Variants in CATSPERB observed in about 807,000 individuals in gnomAD.
The protein encoded by CATSPERB is catsper channel auxiliary subunit beta.
CATSPERB carries 93 observed loss-of-function variants against 128.3 expected under a neutral mutation model. The ratio of observed to expected loss-of-function variants is 0.72; its 90% confidence interval spans 0.61 to 0.86. The LOEUF is 0.86. Among genes scored for constraint, CATSPERB ranks in the 40% least tolerant of loss-of-function variants. CATSPERB has a pLI of 0.00. For missense variants in CATSPERB, 1,153 were observed against 1,329.5 expected (o/e 0.87, Z 2.06); for synonymous variants, 381 against 448.8 (o/e 0.85, Z 1.91).
At chr14:91,603,155 A>G in intron 22 of CATSPERB, 1 of 785,778 alleles carries the variant, frequency 1.3e-6, no homozygotes, top group Non-Finnish European at 2.4e-6. Context: ...GTATACCTTC[A>G]TGTATCTTTT....
chr14:91,631,330 A>C (rs1353683847), intron 17 of CATSPERB, among the ~76,000 whole-genome samples: 1 of 152,230 alleles, frequency 6.6e-6, no homozygotes, highest in African/African-American at 2.4e-5. Context: ...TGAGCAATTT[A>C]GTAAAAACAT....
chr14:91,665,629 GGA>G (rs1244138454), intron 14 of CATSPERB, among the ~76,000 whole-genome samples: 2 of 152,138 alleles, frequency 1.3e-5, no homozygotes, highest in Non-Finnish European at 2.9e-5. Context: ...CAGCACTTTG[GGA>G]GGCGAAAACG....
chr14:91,670,793 C>T (rs1236086519), intron 13 of CATSPERB, among the ~76,000 whole-genome samples: 1 of 152,156 alleles, frequency 6.6e-6, no homozygotes, highest in Admixed American at 6.5e-5. Flanking sequence ...CACTTGAGGC[C>T]AGGAGTTCGA....
At chr14:91,725,261 G>T in intron 2 of CATSPERB, 93 bp from the exon 3 acceptor site, 1 of 514,348 alleles carries the variant, frequency 1.9e-6, no homozygotes, top group Non-Finnish European at 3.2e-6. Context: ...ATATTTTTAA[G>T]GAATAAGAAT....
rs548830868 is a variant in CATSPERB at position 91,648,481 on chromosome 14, T to C, written c.1433-9231A>G. On this transcript the variant is annotated intron_variant, in intron 15 of 26. Coordinates refer to ENST00000256343, the MANE Select transcript of CATSPERB (RefSeq NM_024764.4). The stretch of plus-strand genomic sequence containing the variant: ...ATAGTCTTATCTTGATCTTCATGTA[T>C]TAAAGATTTAACACTGTCAATTTCA... Among the ~76,000 whole-genome samples, 8 of 152,348 alleles carry C rather than the reference T, an allele frequency of 5.3e-5. No homozygotes were observed. In the South Asian group the frequency reaches 1.7e-3, roughly 32 times the overall value.
At chr14:91,699,681 C>T (rs542543551) in intron 7 of CATSPERB, among the ~76,000 whole-genome samples, 23 of 151,276 alleles carry the variant, frequency 1.5e-4, no homozygotes, top group African/African-American at 5.3e-4. Flanking sequence ...TCAAGAGATT[C>T]TCCTGCCTCA....
intron 22 of CATSPERB, among the ~76,000 whole-genome samples, chr14:91,594,841 A>G (rs1333206184): frequency 6.6e-6 from 1 of 152,236 alleles, no homozygotes; most frequent in Non-Finnish European, 1.5e-5. Flanking sequence ...AAAGTGGCTT[A>G]TGTATGTAAA....
rs1402086768 is a variant in CATSPERB, at chr14:91,643,098, CT to C, written c.1433-3849del. Among the ~76,000 whole-genome samples, 7 of 41,870 alleles carry C rather than the reference CT, an allele frequency of 1.7e-4. 1 individual carries two copies. The highest frequency in any genetic ancestry group is 0.015 in the Middle Eastern group (2 of 130). The allele number at this position is 41,870 out of a possible 152,430, so 27.5% of individuals were successfully genotyped here. A position where few individuals can be genotyped will look rare whatever the true frequency, so the allele number is the denominator to read the frequency against. On this transcript the variant is annotated intron_variant, in intron 15 of 26. Coordinates refer to ENST00000256343, the MANE Select transcript of CATSPERB (RefSeq NM_024764.4). ...TATTGTGTCTATTTGATTCTTCTCTCTTTTTTTCTTTATTAGTCTTGCTAGC... is the reference window on the plus strand; with the variant it reads ...TATTGTGTCTATTTGATTCTTCTCTCTTTTTTCTTTATTAGTCTTGCTAGC...
rs759468822 is a variant in CATSPERB, at chr14:91,589,662, C to T, written c.2828G>A (p.Arg943His). ...AFSDCREKVPRFKFPITQYPV... is the reference protein window; with the variant it reads ...AFSDCREKVPHFKFPITQYPV... ...ATATTGTGTAATTGGAAACTTAAAG[C>T]GAGGAACCTAAAATACAAATTCCAA... Residue 943 changes from arginine to histidine, a missense_variant, in exon 24 of 27, where the codon CGC becomes CAC. Arg to His is a conservative substitution (Grantham distance 29). Transcript: ENST00000256343. 35 of 1,612,002 alleles carry T rather than the reference C, an allele frequency of 2.2e-5. No homozygotes were observed. Among genetic ancestry groups the T allele is most frequent in the South Asian group, 9.9e-5 (9 of 90,608 alleles).
chr14:91,703,758 C>A (rs574057286), intron 7 of CATSPERB, among the ~76,000 whole-genome samples: 11 of 152,318 alleles, frequency 7.2e-5, no homozygotes, highest in Admixed American at 7.2e-4. Context: ...CAACTGTTTA[C>A]TGTATCCTTT....
chr14:91,620,501 CA>C (rs1224501069), intron 19 of CATSPERB, among the ~76,000 whole-genome samples: 1 of 152,108 alleles, frequency 6.6e-6, no homozygotes, highest in Non-Finnish European at 1.5e-5. Flanking sequence ...CCCTCCCTTC[CA>C]TCTTTCCTTC....
At chr14:91,716,712 T>C (rs1010757888) in intron 5 of CATSPERB, among the ~76,000 whole-genome samples, 5 of 137,536 alleles carry the variant, frequency 3.6e-5, no homozygotes, top group Non-Finnish European at 6.3e-5. Flanking sequence ...TTTACAAGCA[T>C]ACACACACAC....
At chr14:91,627,657 A>T (rs1208056839) in intron 17 of CATSPERB, among the ~76,000 whole-genome samples, 1 of 152,160 alleles carries the variant, frequency 6.6e-6, no homozygotes, top group Non-Finnish European at 1.5e-5. Flanking sequence ...TCTTCTGTAA[A>T]TTCTTTGTGT....
At chr14:91,701,779 C>A (rs369917539) in intron 7 of CATSPERB, among the ~76,000 whole-genome samples, 2 of 151,766 alleles carry the variant, frequency 1.3e-5, no homozygotes, top group Non-Finnish European at 2.9e-5. Context: ...GGTGTGGTGG[C>A]GTGTACCTGT....
At chr14:91,619,802 G>A (rs1306171322) in intron 19 of CATSPERB, among the ~76,000 whole-genome samples, 1 of 150,814 alleles carries the variant, frequency 6.6e-6, no homozygotes, top group Non-Finnish European at 1.5e-5. Context: ...CATATTACCT[G>A]GGTCATAAAA....
intron 21 of CATSPERB, 101 bp from the exon 22 acceptor site, chr14:91,608,505 T>C (rs1037644166): frequency 4.2e-6 from 3 of 721,810 alleles, no homozygotes; most frequent in Admixed American, 3.2e-5. Context: ...AAAAATTCAA[T>C]TTTTAGCTAC....
chr14:91,613,540 G>C (rs560863699), intron 20 of CATSPERB, among the ~76,000 whole-genome samples: 1 of 152,180 alleles, frequency 6.6e-6, no homozygotes, highest in African/African-American at 2.4e-5. Context: ...TATTGTTAGA[G>C]TAGGCAGAAG....
chr14:91,638,811 A>G (rs538804419), intron 16 of CATSPERB, among the ~76,000 whole-genome samples: 2 of 152,278 alleles, frequency 1.3e-5, no homozygotes, highest in South Asian at 4.1e-4. Context: ...TCTAGCTTAG[A>G]AGTAATGGTT....
At chr14:91,590,638 CTT>C (rs869081387) in intron 23 of CATSPERB, among the ~76,000 whole-genome samples, 23 of 151,104 alleles carry the variant, frequency 1.5e-4, no homozygotes, top group African/African-American at 5.6e-4. Context: ...CTCTAGATGT[CTT>C]TTTTTGTTTG....
Sources: gnomAD v4.1 joint callset for allele counts (sites outside exome capture counted in the v4.1 genomes callset) on GRCh38, gnomAD v4.1.1 for gene constraint, MANE v1.5 for transcripts, NCBI Gene and HGNC (gene_info 2026-07-23, HGNC 2026-07-21) for gene names.